CLVS1: variants seen among roughly 807,000 people sequenced by gnomAD.
CLVS1 encodes clavesin-1.
Under a neutral mutation model 33.1 loss-of-function variants are expected in CLVS1, and 10 were observed. The ratio of observed to expected loss-of-function variants is 0.30; its 90% confidence interval spans 0.19 to 0.51. The LOEUF (loss-of-function observed/expected upper bound fraction) is 0.51, where lower values mean the gene tolerates loss of function less well. CLVS1 is among the 20% of genes least tolerant of loss of function. CLVS1 has a pLI of 0.97. For synonymous variants in CLVS1, 163 were observed against 166.1 expected, an observed-to-expected ratio of 0.98 and a Z score of 0.14; for missense variants, 343 against 433.4, an observed-to-expected ratio of 0.79 and a Z score of 1.85.
intron 5 of CLVS1, among the ~76,000 whole-genome samples, chr8:61,467,953 C>T (rs1817610358): frequency 1.3e-5 from 2 of 152,124 alleles, no homozygotes; most frequent in Admixed American, 6.5e-5. Flanking sequence ...CAGTGAAAGA[C>T]GCTGGCTACC....
At chr8:61,034,011 C>T in the CLVS1 span, among the ~76,000 whole-genome samples, 2 of 152,156 alleles carry the variant, frequency 1.3e-5, no homozygotes, top group Admixed American at 1.3e-4. Context: ...GCTTGATCAT[C>T]CACAAGTTCA....
At chr8:61,291,781 T>C (rs1810001245) in intron 1 of CLVS1, among the ~76,000 whole-genome samples, 1 of 152,112 alleles carries the variant, frequency 6.6e-6, no homozygotes, top group Non-Finnish European at 1.5e-5. Context: ...AACAGGGTGA[T>C]CTGATAAACT....
intron 1 of CLVS1, among the ~76,000 whole-genome samples, chr8:61,115,344 ATTTTAT>A (rs536840776): frequency 0.021 from 3,140 of 151,250 alleles, 99 homozygotes; most frequent in African/African-American, 0.066. Flanking sequence ...TATTTTTTTT[ATTTTAT>A]TTTTATTTTT....
In CLVS1 at chr8:61,499,789, A is replaced by AAAAG. The variant is rs1362528336; in HGVS notation, c.*249_*252dup. 1.3e-5 allele frequency: 4 copies of AAAAG among 302,254 alleles called. No individual in the cohort carries two copies. Among genetic ancestry groups the AAAAG allele is most frequent in the Admixed American group, 4.8e-5 (1 of 20,938 alleles). The allele number at this position is 302,254 out of a possible 1,614,324, so 18.7% of individuals were successfully genotyped here. On this transcript the variant is annotated 3_prime_UTR_variant, in exon 6 of 6. Transcript: ENST00000325897. ...AGGATGATGCAAGGCATTTATGTAA[A>AAAAG]AAAGATTCTCCCTCCTTTCATATTT...
Position 61,115,998 on chromosome 8 carries a change from A to C in CLVS1, c.-242-15772A>C, listed in dbSNP as rs1466864188. On this transcript the variant is annotated intron_variant, in intron 1 of 2. Coordinates refer to the CLVS1 transcript ENST00000522621. ...TAGTTTACAGTCCCACCAACAGTGT[A>C]AAAGTGTTCCTATTTCTCCACATCC... Among the ~76,000 whole-genome samples, 6 of 146,034 alleles carry C rather than the reference A, an allele frequency of 4.1e-5. No individual in the cohort carries two copies. The East Asian group carries it at 8.0e-4, about 19-fold the overall frequency.
chr8:61,201,558 C>A (rs1036107879), intron 2 of CLVS1, among the ~76,000 whole-genome samples: 1 of 152,102 alleles, frequency 6.6e-6, no homozygotes, highest in African/African-American at 2.4e-5. Context: ...ATGTTCAAAC[C>A]TTTCTTTCTA....
chr8:61,273,377 A>G (rs571879243), intron 2 of CLVS1, among the ~76,000 whole-genome samples: 53 of 151,810 alleles, frequency 3.5e-4, no homozygotes, highest in African/African-American at 1.2e-3. Flanking sequence ...TGCTGGGAGA[A>G]CCACTGCTCT....
chr8:61,071,873 A>G (rs1000245237), intron 1 of CLVS1, among the ~76,000 whole-genome samples: 2 of 152,216 alleles, frequency 1.3e-5, no homozygotes, highest in Admixed American at 1.3e-4. Flanking sequence ...AAACCAGTTT[A>G]GAGGGTGTGG....
chr8:61,140,039 C>T (rs1223940048), intron 2 of CLVS1, among the ~76,000 whole-genome samples: 1 of 152,154 alleles, frequency 6.6e-6, no homozygotes, highest in Non-Finnish European at 1.5e-5. Flanking sequence ...CCGCCACGGA[C>T]CCCAAGCTGC....
intron 2 of CLVS1, among the ~76,000 whole-genome samples, chr8:61,248,601 CT>C (rs1455954416): frequency 1.3e-5 from 2 of 151,352 alleles, no homozygotes; most frequent in Non-Finnish European, 2.9e-5. Context: ...GTTAAAAATA[CT>C]TTTTTGAGAT....
Position 61,345,427 on chromosome 8 carries a change from T to C in CLVS1, c.456-31178T>C, listed in dbSNP as rs531563413. ...AGTGCAATGTAGTAGGACGCTCTGA[T>C]AGGCTGAAGGGCATTTGGAAAGCTC... On this transcript the variant is annotated intron_variant, in intron 2 of 5. Coordinates refer to ENST00000325897, the MANE Select transcript of CLVS1 (RefSeq NM_173519.3). 6.6e-5 allele frequency among the ~76,000 whole-genome samples: 10 copies of C among 152,304 alleles called. No individual in the cohort carries two copies. In the South Asian group the frequency reaches 2.1e-3, roughly 32 times the overall value.
At chr8:61,335,256 T>C (rs1811756370) in intron 2 of CLVS1, among the ~76,000 whole-genome samples, 1 of 152,216 alleles carries the variant, frequency 6.6e-6, no homozygotes, top group African/African-American at 2.4e-5. Flanking sequence ...GAATGTTAGT[T>C]CTACAAAGGC....
At chr8:61,326,035 G>A (rs1207268420) in intron 2 of CLVS1, among the ~76,000 whole-genome samples, 1 of 152,122 alleles carries the variant, frequency 6.6e-6, no homozygotes, top group Non-Finnish European at 1.5e-5. Context: ...GACACGAGTT[G>A]CCTTTCCCCA....
the CLVS1 span, among the ~76,000 whole-genome samples, chr8:60,980,827 A>G: frequency 6.6e-6 from 1 of 152,232 alleles, no homozygotes; most frequent in Non-Finnish European, 1.5e-5. Flanking sequence ...ATGTGATTAA[A>G]TTAAGGACCT....
chr8:61,478,119 G>C (rs980796163), intron 5 of CLVS1, among the ~76,000 whole-genome samples: 1 of 152,212 alleles, frequency 6.6e-6, no homozygotes, highest in East Asian at 1.9e-4. Flanking sequence ...CCATGTAGTT[G>C]AGCGGTTTTG....
At chr8:61,364,439 G>A (rs1456357837) in intron 2 of CLVS1, among the ~76,000 whole-genome samples, 1 of 152,172 alleles carries the variant, frequency 6.6e-6, no homozygotes, top group Non-Finnish European at 1.5e-5. Context: ...CCAACAAGTT[G>A]CATTTCTATC....
At chr8:61,463,037 C>A (rs1817422129) in intron 5 of CLVS1, among the ~76,000 whole-genome samples, 1 of 152,204 alleles carries the variant, frequency 6.6e-6, no homozygotes, top group Non-Finnish European at 1.5e-5. Context: ...CATCAATGAT[C>A]TTTCCTAGAT....
At position 61,404,596 on chromosome 8, in the gene CLVS1, C is replaced by T. The variant is rs117243133; in HGVS notation, c.630+27817C>T. Among the ~76,000 whole-genome samples, 1,350 of 152,246 alleles carry T rather than the reference C, an allele frequency of 8.9e-3. 11 individuals carry two copies. Among genetic ancestry groups the T allele is most frequent in the Middle Eastern group, 0.02 (6 of 294 alleles). On this transcript the variant is annotated intron_variant, in intron 3 of 5. Transcript: ENST00000325897. Reference sequence around the variant, plus strand: ...ACAGTGACTACCAAGTGACAAGACGCAAAGCCCCTTAAAGCTGCTAAGGAG... The same window carrying T: ...ACAGTGACTACCAAGTGACAAGACGTAAAGCCCCTTAAAGCTGCTAAGGAG...
intron 2 of CLVS1, among the ~76,000 whole-genome samples, chr8:61,199,669 G>T (rs2129304623): frequency 6.6e-6 from 1 of 152,286 alleles, no homozygotes; most frequent in Middle Eastern, 3.4e-3. Flanking sequence ...ATGTAAACTA[G>T]CACAACCTCT....
Sources: allele counts gnomAD v4.1 joint callset (sites outside exome capture counted in the v4.1 genomes callset), GRCh38; gene constraint gnomAD v4.1.1; transcripts MANE v1.5; gene names NCBI Gene and HGNC (gene_info 2026-07-23, HGNC 2026-07-21).